IQCH: variants seen among roughly 807,000 people sequenced by gnomAD.
IQCH encodes IQ domain-containing protein H.
IQCH carries 98 observed loss-of-function variants against 117.0 expected under a neutral mutation model. The observed-to-expected ratio is 0.84, with a 90% CI of 0.71 to 0.99. The LOEUF is 0.99. Among genes scored for constraint, IQCH ranks in the 50% least tolerant of loss-of-function variants. IQCH has a pLI of 0.00. For synonymous variants in IQCH, 412 were observed against 448.2 expected, an observed-to-expected ratio of 0.92 and a Z score of 1.02; for missense variants, 1,102 against 1,243.8, an observed-to-expected ratio of 0.89 and a Z score of 1.72.
intron 4 of IQCH, among the ~76,000 whole-genome samples, chr15:67,325,300 G>A (rs1031193459): frequency 5.3e-5 from 8 of 150,874 alleles, no homozygotes; most frequent in Non-Finnish European, 5.9e-5. Context: ...GATTTTCCAC[G>A]TGTTCATTTA....
intron 16 of IQCH, among the ~76,000 whole-genome samples, chr15:67,439,729 T>C (rs1270923129): frequency 6.6e-6 from 1 of 151,104 alleles, no homozygotes; most frequent in African/African-American, 2.4e-5. Context: ...CTACTAAAAA[T>C]ACAAAAAAAA....
At position 67,500,767 on chromosome 15, in the gene IQCH, C is replaced by T. The variant is rs757097469; in HGVS notation, c.*21C>T. ...AATGATCCTGGAATACAGTACATAA[C>T]AATTTGGATCCCAGTCTGGAATAAA... On this transcript the variant is annotated 3_prime_UTR_variant, in exon 21 of 21. Coordinates refer to ENST00000335894, the MANE Select transcript of IQCH (RefSeq NM_001031715.3). The surrounding 1 kb of genome is among the most constrained non-coding windows in gnomAD (Gnocchi z 4.4). 7.9e-6 allele frequency: 10 copies of T among 1,264,370 alleles called. No individual in the cohort carries two copies. The highest frequency in any genetic ancestry group is 2.7e-5 in the South Asian group (2 of 74,110). 78.3% of individuals were successfully genotyped at this position (1,264,370 alleles called of 1,614,324 possible).
intron 16 of IQCH, among the ~76,000 whole-genome samples, chr15:67,442,605 ATGGAAGACAG>A (rs1329766565): frequency 3.3e-5 from 5 of 152,126 alleles, no homozygotes; most frequent in Non-Finnish European, 7.4e-5. Context: ...TACAGCCACT[ATGGAAGACAG>A]TGTGGAGATT....
chr15:67,355,483 T>C (rs1007461287), intron 6 of IQCH, among the ~76,000 whole-genome samples: 3 of 151,780 alleles, frequency 2.0e-5, no homozygotes, highest in Non-Finnish European at 4.4e-5. Context: ...TCAGCTATTC[T>C]GGAGGCCGAA....
intron 16 of IQCH, among the ~76,000 whole-genome samples, chr15:67,442,885 A>T (rs7178729): frequency 0.11 from 16,131 of 148,416 alleles, 986 homozygotes; most frequent in East Asian, 0.19. Flanking sequence ...TATATATATA[A>T]AATACATATA....
chr15:67,497,760 G>A (rs1231242584), intron 20 of IQCH, among the ~76,000 whole-genome samples: 1 of 152,148 alleles, frequency 6.6e-6, no homozygotes, highest in Non-Finnish European at 1.5e-5. Flanking sequence ...AAAGTGCTGG[G>A]ATTACAGCCG....
intron 20 of IQCH, among the ~76,000 whole-genome samples, chr15:67,498,559 T>C (rs2083888695): frequency 6.6e-6 from 1 of 150,498 alleles, no homozygotes. Context: ...AAGGTTGCAG[T>C]GAGCCGAGAT....
Position 67,356,511 on chromosome 15 carries a change from A to G in IQCH, c.638-834A>G, listed in dbSNP as rs1253613579. Among the ~76,000 whole-genome samples the G allele has an allele frequency of 6.6e-6, 1 of 152,206 alleles. No individual in the cohort carries two copies. The highest frequency in any genetic ancestry group is 1.5e-5 in the Non-Finnish European group (1 of 68,030). On this transcript the variant is annotated intron_variant, in intron 6 of 20. Coordinates refer to ENST00000335894, the MANE Select transcript of IQCH (RefSeq NM_001031715.3). This position sits in a 1 kb window ranked among gnomAD's most constrained non-coding sequence, Gnocchi z 5.3. ...TTATATATTGATATCCTTTACTAGC[A>G]TGCTGTTTTTGATCAATATCTGTCA...
At position 67,353,132 on chromosome 15, in the gene IQCH, C is replaced by T. The variant is rs553943977; in HGVS notation, c.638-4213C>T. On this transcript the variant is annotated intron_variant, in intron 6 of 20. Coordinates refer to ENST00000335894, the MANE Select transcript of IQCH (RefSeq NM_001031715.3). ...CTGCAATCCAGCCTGAGTGACAGAG[C>T]GAGACTCAGTCTCAAAAAAAAAAAT... Among the ~76,000 whole-genome samples, 186 of 148,726 alleles carry T rather than the reference C, an allele frequency of 1.3e-3. 1 individual carries two copies. The highest frequency in any genetic ancestry group is 4.1e-3 in the African/African-American group (167 of 40,412).
In IQCH at chr15:67,254,818, G is replaced by A; in HGVS notation, c.-79G>A. On this transcript the variant is annotated 5_prime_UTR_variant, in exon 1 of 21. The change abolishes an upstream ATG in the 5' untranslated region. Transcript: ENST00000335894. ...GCCAGGTCGCGCGCGGTGTTGCCAT[G>A]GGGACGAGCGGCTCCGGCTGAAGGT... 1 of 1,487,208 alleles carries A rather than the reference G, an allele frequency of 6.7e-7. No homozygotes were observed. Among genetic ancestry groups the A allele is most frequent in the Non-Finnish European group, 9.2e-7 (1 of 1,081,440 alleles). The allele number at this position is 1,487,208 out of a possible 1,614,324, so 92.1% of individuals were successfully genotyped here.
intron 3 of IQCH, among the ~76,000 whole-genome samples, chr15:67,266,949 A>T (rs533240166): frequency 3.9e-5 from 6 of 152,366 alleles, no homozygotes; most frequent in African/African-American, 1.4e-4. Context: ...TAAGACACGT[A>T]CGTTTTTTCA....
Position 67,384,699 on chromosome 15 carries a change from A to G in IQCH, c.1373-237A>G, listed in dbSNP as rs1971050581. The stretch of plus-strand genomic sequence containing the variant: ...CTTGATTCTTAGCAGCCTTGTTGGT[A>G]CTGAAAAATGTGAACCCCTCTGTTA... On this transcript the variant is annotated intron_variant, in intron 10 of 20. Coordinates refer to ENST00000335894, the MANE Select transcript of IQCH (RefSeq NM_001031715.3). This position sits in a 1 kb window ranked among gnomAD's most constrained non-coding sequence, Gnocchi z 4.3. 6.6e-6 allele frequency among the ~76,000 whole-genome samples: 1 copy of G among 151,928 alleles called. No homozygotes were observed. The highest frequency in any genetic ancestry group is 1.5e-5 in the Non-Finnish European group (1 of 67,988).
At chr15:67,339,769 CT>C (rs955430960) in intron 5 of IQCH, among the ~76,000 whole-genome samples, 35 of 152,274 alleles carry the variant, frequency 2.3e-4, no homozygotes, top group African/African-American at 8.4e-4. Flanking sequence ...TAGGTTTGGC[CT>C]GATAATTTAC....
At position 67,391,291 on chromosome 15, in the gene IQCH, T is replaced by G. The variant is rs1971277413; in HGVS notation, c.1632+2285T>G. Among the ~76,000 whole-genome samples the G allele has an allele frequency of 6.6e-6, 1 of 152,226 alleles. No homozygotes were observed. The highest frequency in any genetic ancestry group is 2.4e-5 in the African/African-American group (1 of 41,468). ...AATTACTCATAAGCAATCAACTTTT[T>G]AAAAATACAAAAATTAAATTCTCAC... On this transcript the variant is annotated intron_variant, in intron 12 of 20. Transcript: ENST00000335894. This position sits in a 1 kb window ranked among gnomAD's most constrained non-coding sequence, Gnocchi z 4.3.
rs1460211322 is a variant in IQCH, at chr15:67,381,826, C to A, written c.1373-3110C>A. ...CGAAACCCTGGCTCTACAAAAATTACAAAAATTAGCCAGGTGTGGTAGTGT... is the reference window on the plus strand; with the variant it reads ...CGAAACCCTGGCTCTACAAAAATTAAAAAAATTAGCCAGGTGTGGTAGTGT... On this transcript the variant is annotated intron_variant, in intron 10 of 20. Coordinates refer to ENST00000335894, the MANE Select transcript of IQCH (RefSeq NM_001031715.3). This position sits in a 1 kb window ranked among gnomAD's most constrained non-coding sequence, Gnocchi z 5.1. Among the ~76,000 whole-genome samples, 3 of 151,570 alleles carry A rather than the reference C, an allele frequency of 2.0e-5. No individual in the cohort carries two copies. Among genetic ancestry groups the A allele is most frequent in the Non-Finnish European group, 4.4e-5 (3 of 67,896 alleles).
In IQCH at chr15:67,472,608, T is replaced by G. The variant is rs74020188; in HGVS notation, c.2677-3088T>G. On this transcript the variant is annotated intron_variant, in intron 17 of 20. Transcript: ENST00000335894. This position sits in a 1 kb window ranked among gnomAD's most constrained non-coding sequence, Gnocchi z 4.3. ...ATTTATCAGGTTCCAGGCACTGCAGTAGGTGCTTATTTAATCATCAGAAGA... is the reference window on the plus strand; with the variant it reads ...ATTTATCAGGTTCCAGGCACTGCAGGAGGTGCTTATTTAATCATCAGAAGA... Among the ~76,000 whole-genome samples, 2,353 of 152,236 alleles carry G rather than the reference T, an allele frequency of 0.015. 66 individuals carry two copies. Among genetic ancestry groups the G allele is most frequent in the African/African-American group, 0.054 (2,233 of 41,524 alleles).
intron 4 of IQCH, among the ~76,000 whole-genome samples, chr15:67,326,909 T>G (rs1352573286): frequency 6.6e-6 from 1 of 152,228 alleles, no homozygotes; most frequent in Non-Finnish European, 1.5e-5. Context: ...TTGCAAGCAT[T>G]GTTTTTGAAC....
rs1355632031 is a variant in IQCH, at chr15:67,416,335, T to C, written c.2098-596T>C. On this transcript the variant is annotated intron_variant, in intron 14 of 20. Coordinates refer to ENST00000335894, the MANE Select transcript of IQCH (RefSeq NM_001031715.3). The surrounding 1 kb of genome is among the most constrained non-coding windows in gnomAD (Gnocchi z 5.1). ...GAGTTTGAGACCAGCCTGACCAACA[T>C]GGAGAAACCCCGTCACTACTAAAAA... 6.6e-6 allele frequency among the ~76,000 whole-genome samples: 1 copy of C among 151,758 alleles called. No homozygotes were observed. The highest frequency in any genetic ancestry group is 1.5e-5 in the Non-Finnish European group (1 of 67,954).
intron 4 of IQCH, among the ~76,000 whole-genome samples, chr15:67,322,677 T>C (rs1293636563): frequency 6.6e-6 from 1 of 152,142 alleles, no homozygotes; most frequent in Non-Finnish European, 1.5e-5. Context: ...TCCTGAGCTC[T>C]TGTCCTGCGT....
Sources: gnomAD v4.1 joint callset for allele counts (sites outside exome capture counted in the v4.1 genomes callset) on GRCh38, gnomAD v4.1.1 for gene constraint, Gnocchi (gnomAD v3.1) non-coding constraint, MANE v1.5 for transcripts, NCBI Gene and HGNC (gene_info 2026-07-23, HGNC 2026-07-21) for gene names.